ALKBH1: variants seen among roughly 807,000 people sequenced by gnomAD.
ALKBH1 encodes nucleic acid dioxygenase ALKBH1.
ALKBH1 carries 31 observed loss-of-function variants against 36.6 expected under a neutral mutation model. The observed-to-expected ratio is 0.85, with a 90% confidence interval of 0.64 to 1.14. The LOEUF (loss-of-function observed/expected upper bound fraction) is 1.14. Among genes scored for constraint, ALKBH1 ranks in the 50% most tolerant of loss-of-function variants. The probability of loss-of-function intolerance (pLI) is 0.00; values close to 1 mark genes in which losing one functional copy is unlikely to be tolerated. For synonymous variants in ALKBH1, 183 were observed against 186.6 expected (o/e 0.98, Z 0.16); for missense variants, 490 against 497.3 (o/e 0.99, Z 0.14).
rs759182860 is a variant in ALKBH1, at chr14:77,694,732, A to G, written c.455+6T>C. 1 of 1,577,216 alleles carries G rather than the reference A, an allele frequency of 6.3e-7. No homozygotes were observed. Among genetic ancestry groups the G allele is most frequent in the Non-Finnish European group, 8.6e-7 (1 of 1,164,862 alleles). Reference sequence around the variant, plus strand: ...TTAACACTTCATTCTGATTGACAAGACTTACCTCAGGAACTCTTTGCTCTG... The same window carrying G: ...TTAACACTTCATTCTGATTGACAAGGCTTACCTCAGGAACTCTTTGCTCTG... On this transcript the variant is annotated splice_donor_region_variant and intron_variant, in intron 3 of 5. Coordinates refer to ENST00000216489, the MANE Select transcript of ALKBH1 (RefSeq NM_006020.3).
intron 3 of ALKBH1, among the ~76,000 whole-genome samples, chr14:77,692,809 T>TATTA (rs1389183271): frequency 6.6e-6 from 1 of 151,786 alleles, no homozygotes; most frequent in East Asian, 1.9e-4. Context: ...TTTATTTATT[T>TATTA]ATTTATTTAT....
chr14:77,684,286 A>G (rs1297051915), intron 3 of ALKBH1, among the ~76,000 whole-genome samples: 1 of 152,162 alleles, frequency 6.6e-6, no homozygotes, highest in Non-Finnish European at 1.5e-5. Context: ...TTTGAAAACC[A>G]CTATTCTAGC....
chr14:77,700,754 T>TG (rs1447527440), intron 2 of ALKBH1, among the ~76,000 whole-genome samples: 3 of 152,126 alleles, frequency 2.0e-5, no homozygotes, highest in African/African-American at 4.8e-5. Context: ...CTTTAGGCAG[T>TG]CCATTTTAGA....
intron 4 of ALKBH1, among the ~76,000 whole-genome samples, chr14:77,678,556 A>C (rs555852497): frequency 6.6e-6 from 1 of 152,232 alleles, no homozygotes; most frequent in African/African-American, 2.4e-5. Context: ...AAAAAAAAAA[A>C]AAAAACAGAC....
At chr14:77,679,617 G>A (rs1043468424) in intron 4 of ALKBH1, among the ~76,000 whole-genome samples, 11 of 152,070 alleles carry the variant, frequency 7.2e-5, no homozygotes, top group Non-Finnish European at 1.5e-4. Context: ...TTTTTGTAAA[G>A]ACAGGGTTGT....
At chr14:77,696,414 A>G (rs1382130690) in intron 2 of ALKBH1, among the ~76,000 whole-genome samples, 1 of 152,140 alleles carries the variant, frequency 6.6e-6, no homozygotes, top group Admixed American at 6.5e-5. Flanking sequence ...GGTCTGTACT[A>G]GGCACTTTCT....
rs2080187894 is a variant in ALKBH1 at position 77,673,605 on chromosome 14, T to G, written c.*207A>C. On this transcript the variant is annotated 3_prime_UTR_variant, in exon 6 of 6. Coordinates refer to ENST00000216489, the MANE Select transcript of ALKBH1 (RefSeq NM_006020.3). ...ACATACATTACAGCCAACATGTAAC[T>G]AGGAACAGACCATGTCAAACACTTC... 2 of 583,976 alleles carry G rather than the reference T, an allele frequency of 3.4e-6. No homozygotes were observed. Among genetic ancestry groups the G allele is most frequent in the Non-Finnish European group, 6.1e-6 (2 of 329,702 alleles). 36.2% of individuals were successfully genotyped at this position (583,976 alleles called of 1,614,324 possible).
intron 3 of ALKBH1, among the ~76,000 whole-genome samples, chr14:77,685,761 CTG>C (rs2080264898): frequency 6.6e-6 from 1 of 151,826 alleles, no homozygotes; most frequent in Non-Finnish European, 1.5e-5. Flanking sequence ...GAGTGAGACC[CTG>C]TCTCGGGGGG....
At chr14:77,683,148 T>A in intron 3 of ALKBH1, 1 of 450,666 alleles carries the variant, frequency 2.2e-6, no homozygotes, top group Non-Finnish European at 3.9e-6. Context: ...AGCTGTAAAG[T>A]CTTTTTTTTT....
chr14:77,694,625 GA>G (rs548081410), intron 3 of ALKBH1, 112 bp downstream of exon 3: 117 of 829,474 alleles, frequency 1.4e-4, no homozygotes, highest in Non-Finnish European at 1.8e-4. Context: ...ACAATGAAGG[GA>G]AAAAAAAACC....
intron 3 of ALKBH1, chr14:77,683,533 T>C: frequency 1.6e-6 from 1 of 634,442 alleles, no homozygotes; most frequent in Non-Finnish European, 2.9e-6. Flanking sequence ...CATTCCTTTT[T>C]GAACAGTACC....
chr14:77,704,884 T>A (rs7143926), intron 1 of ALKBH1, among the ~76,000 whole-genome samples: 52,680 of 152,094 alleles, frequency 0.35, 9,423 homozygotes, highest in Non-Finnish European at 0.4. Context: ...GGCAAAATGG[T>A]AATAAGAAAA....
rs753758104 is a variant in ALKBH1 at position 77,708,020 on chromosome 14, C to T, written c.-16G>A. On this transcript the variant is annotated 5_prime_UTR_variant, in exon 1 of 6. Transcript: ENST00000216489. ...TCTTCCCCATCTCGCGGCCTATACC[C>T]TCTGATCCGGAAGCAGATTCTCTCG... 4.3e-6 allele frequency: 7 copies of T among 1,609,228 alleles called. No individual in the cohort carries two copies. In the Admixed American group the frequency reaches 1.0e-4, roughly 23 times the overall value.
At chr14:77,701,703 C>T (rs1309444819) in intron 2 of ALKBH1, among the ~76,000 whole-genome samples, 2 of 152,114 alleles carry the variant, frequency 1.3e-5, no homozygotes, top group African/African-American at 4.8e-5. Context: ...AGAGACTGTT[C>T]TCTCCTGTAT....
At chr14:77,697,669 A>C (rs2080335060) in intron 2 of ALKBH1, among the ~76,000 whole-genome samples, 1 of 150,512 alleles carries the variant, frequency 6.6e-6, no homozygotes, top group African/African-American at 2.4e-5. Context: ...AGTGGGGTAG[A>C]AATTACAAAT....
At chr14:77,680,464 T>C (rs2080230446) in intron 3 of ALKBH1, among the ~76,000 whole-genome samples, 1 of 152,142 alleles carries the variant, frequency 6.6e-6, no homozygotes, top group Non-Finnish European at 1.5e-5. Context: ...ATATAGTGTA[T>C]AGTACAATAA....
intron 4 of ALKBH1, among the ~76,000 whole-genome samples, chr14:77,678,043 G>T (rs938477929): frequency 7.3e-6 from 1 of 136,340 alleles, no homozygotes; most frequent in Non-Finnish European, 1.5e-5. Flanking sequence ...GGTTAACTTT[G>T]AGGTCTTGGG....
intron 3 of ALKBH1, 44 bp downstream of exon 3, chr14:77,694,694 T>C: frequency 6.9e-7 from 1 of 1,454,424 alleles, no homozygotes; most frequent in Non-Finnish European, 9.1e-7. Flanking sequence ...CCTGTGATGA[T>C]CTGAGCTGAG....
chr14:77,674,078 G>A lies in ALKBH1; in HGVS notation c.904C>T (p.Pro302Ser), dbSNP rs764389398. Residue 302 changes from proline (P) to serine (S), a missense_variant, in exon 6 of 6, where the codon CCT (proline) becomes TCT (serine). By Grantham distance (74) the Pro-to-Ser change is moderately conservative. Coordinates refer to ENST00000216489, the MANE Select transcript of ALKBH1 (RefSeq NM_006020.3). ...VLPNPEGEGL[P>S]HCLEAPLPAV... ...GGGAGAGGTGCCTCTAGGCAGTGAG[G>A]CAGGCCTTCCCCTTCTGGATTTGGA... The A allele has an allele frequency of 1.9e-6, 3 of 1,614,136 alleles. No homozygotes were observed. The East Asian group carries it at 6.7e-5, about 36-fold the overall frequency.
Sources: allele counts gnomAD v4.1 joint callset (sites outside exome capture counted in the v4.1 genomes callset), GRCh38; gene constraint gnomAD v4.1.1; transcripts MANE v1.5; gene names NCBI Gene and HGNC (gene_info 2026-07-23, HGNC 2026-07-21).